Variants in UNC80 observed in about 807,000 individuals in gnomAD.
UNC80 encodes protein unc-80 homolog.
Under a neutral mutation model 384.6 loss-of-function variants are expected in UNC80, and 164 were observed. The ratio of observed to expected loss-of-function variants is 0.43; its 90% CI spans 0.38 to 0.49. The LOEUF (loss-of-function observed/expected upper bound fraction) is 0.49, where lower values mean the gene tolerates loss of function less well. Ranked by LOEUF, UNC80 falls within the 20% of genes least tolerant of loss-of-function variation. UNC80 has a pLI of 0.00. For missense variants in UNC80, 3,330 were observed against 4,143.0 expected, an observed-to-expected ratio of 0.80 and a Z score of 5.39; for synonymous variants, 1,486 against 1,527.8, an observed-to-expected ratio of 0.97 and a Z score of 0.64.
intron 48 of UNC80, among the ~76,000 whole-genome samples, chr2:209,957,182 C>A (rs2092449152): frequency 6.6e-6 from 1 of 152,246 alleles, no homozygotes. Context: ...TAGGAGAATT[C>A]TTTTATTCTT....
chr2:209,790,266 C>G lies in UNC80; in HGVS notation c.798+661C>G, dbSNP rs901618931. 2.8e-4 allele frequency among the ~76,000 whole-genome samples: 42 copies of G among 152,156 alleles called. 1 individual carries two copies. The highest frequency in any genetic ancestry group is 1.8e-4 in the Non-Finnish European group (12 of 68,006). On this transcript the variant is annotated intron_variant, in intron 6 of 64. Coordinates refer to ENST00000673920, the MANE Select transcript of UNC80 (RefSeq NM_001371986.1). The stretch of plus-strand genomic sequence containing the variant: ...TATGGCATTAAATGACCTGCTTTCA[C>G]TTTCAATTCAACACGTGCAAAGTGA...
chr2:209,956,313 G>C (rs114495969), intron 48 of UNC80, among the ~76,000 whole-genome samples: 6 of 90 alleles, frequency 0.067, no homozygotes, highest in Non-Finnish European at 0.11. Flanking sequence ...AGAATTCTCT[G>C]CTCAGGGTTT....
intron 29 of UNC80, among the ~76,000 whole-genome samples, chr2:209,912,063 C>T (rs2089011673): frequency 6.6e-6 from 1 of 152,196 alleles, no homozygotes; most frequent in Non-Finnish European, 1.5e-5. Context: ...CTTTAACTTC[C>T]TAACACTTCT....
chr2:209,790,652 C>G (rs2077738635), intron 6 of UNC80, among the ~76,000 whole-genome samples: 1 of 152,040 alleles, frequency 6.6e-6, no homozygotes, highest in South Asian at 2.1e-4. Context: ...AATAGTGGAG[C>G]AGTATTTTAA....
rs546204765 is a variant in UNC80 at position 209,845,985 on chromosome 2, TTTC to T, written c.3455-3463_3455-3461del. ...GATTTCTTTCTTGCTCTCTCTCTTC[TTTC>T]TTTTCTTTCTTCCCTTCTTTCCTTG... is the stretch of plus-strand genomic sequence containing the variant. On this transcript the variant is annotated intron_variant, in intron 21 of 64. Transcript: ENST00000673920. Among the ~76,000 whole-genome samples the T allele has an allele frequency of 3.2e-3, 481 of 152,146 alleles. 2 individuals carry two copies. The highest frequency in any genetic ancestry group is 0.01 in the Middle Eastern group (3 of 294).
At chr2:209,948,138 G>T (rs184898963) in intron 47 of UNC80, among the ~76,000 whole-genome samples, 101 of 152,180 alleles carry the variant, frequency 6.6e-4, no homozygotes, top group African/African-American at 2.3e-3. Context: ...AAATAAAGCT[G>T]CAATGAATGT....
intron 27 of UNC80, among the ~76,000 whole-genome samples, chr2:209,894,949 A>T (rs1188693544): frequency 6.6e-6 from 1 of 152,150 alleles, no homozygotes; most frequent in African/African-American, 2.4e-5. Context: ...GTTCTCAGGG[A>T]TTTGTTTTCT....
chr2:209,952,582 C>T (rs757209449), intron 47 of UNC80, among the ~76,000 whole-genome samples: 22 of 152,102 alleles, frequency 1.4e-4, no homozygotes, highest in African/African-American at 4.8e-4. Flanking sequence ...GCCTTTTGGC[C>T]CTAAGCAATT....
intron 22 of UNC80, among the ~76,000 whole-genome samples, chr2:209,854,168 G>T (rs2124847574): frequency 6.6e-6 from 1 of 152,066 alleles, no homozygotes; most frequent in South Asian, 2.1e-4. Flanking sequence ...GTCCTTTCAA[G>T]GAGATAGGAA....
chr2:209,789,641 G>T, intron 6 of UNC80, 36 bp downstream of exon 6: 1 of 1,457,624 alleles, frequency 6.9e-7, no homozygotes, highest in Non-Finnish European at 9.6e-7. Flanking sequence ...AAGGGAGGCA[G>T]AAAGTCCTTG....
chr2:209,832,686 C>T (rs1450239202), intron 16 of UNC80, among the ~76,000 whole-genome samples: 2 of 152,170 alleles, frequency 1.3e-5, no homozygotes, highest in African/African-American at 4.8e-5. Context: ...TCCATGCATA[C>T]AATTTGGTCA....
chr2:209,909,473 C>G (rs1356135415), intron 29 of UNC80, among the ~76,000 whole-genome samples: 1 of 152,160 alleles, frequency 6.6e-6, no homozygotes, highest in Non-Finnish European at 1.5e-5. Context: ...TCCATCTGCA[C>G]AGACATTTTA....
intron 7 of UNC80, among the ~76,000 whole-genome samples, chr2:209,802,937 G>A (rs2078654696): frequency 6.6e-6 from 1 of 152,160 alleles, no homozygotes; most frequent in African/African-American, 2.4e-5. Context: ...ACTGGTCTTA[G>A]TTTCTGAAGC....
intron 22 of UNC80, among the ~76,000 whole-genome samples, chr2:209,857,068 GTGTAAGCCACCACGCCTGGCCTGGGTTT>G (rs1326763944): frequency 6.6e-6 from 1 of 152,136 alleles, no homozygotes; most frequent in Non-Finnish European, 1.5e-5. Flanking sequence ...GGGATTACAG[GTGTAAGCCACCACGCCTGGCCTGGGTTT>G]TGTTTTATTC....
chr2:209,972,115 C>A, intron 54 of UNC80, 86 bp from the exon 55 acceptor site: 2 of 1,463,660 alleles, frequency 1.4e-6, no homozygotes, highest in Non-Finnish European at 1.8e-6. Context: ...AGCAGGGAGT[C>A]ACCGTCTCCA....
chr2:209,943,598 G>C, intron 45 of UNC80, 84 bp downstream of exon 45: 1 of 1,476,398 alleles, frequency 6.8e-7, no homozygotes, highest in Non-Finnish European at 9.2e-7. Context: ...ACTATGGCAA[G>C]GGAGTTGGCT....
intron 1 of UNC80, 25 bp downstream of exon 1, chr2:209,772,189 C>T: frequency 2.6e-6 from 4 of 1,513,812 alleles, no homozygotes; most frequent in Non-Finnish European, 3.6e-6. Context: ...GGGCGCACCG[C>T]GGGCCGCCCT....
chr2:209,839,216 C>G lies in UNC80; in HGVS notation c.3042-6C>G. 1 of 1,551,166 alleles carries G rather than the reference C, an allele frequency of 6.4e-7. No homozygotes were observed. The highest frequency in any genetic ancestry group is 8.7e-7 in the Non-Finnish European group (1 of 1,146,914). ...AAGTTTAACCCTATCCTCTGCTTGC[C>G]TACAGCGATGAACAAATGCAAGGAG... On this transcript the variant is annotated splice_region_variant and splice_polypyrimidine_tract_variant and intron_variant, in intron 18 of 64. Coordinates refer to ENST00000673920, the MANE Select transcript of UNC80 (RefSeq NM_001371986.1). This position sits in a 1 kb window ranked among gnomAD's most constrained non-coding sequence, Gnocchi z 4.1.
chr2:209,814,748 A>C (rs1316571954), intron 8 of UNC80, among the ~76,000 whole-genome samples: 1 of 152,194 alleles, frequency 6.6e-6, no homozygotes, highest in East Asian at 1.9e-4. Flanking sequence ...CCAGGTGTTG[A>C]AAATGTAGAG....
Sources: gnomAD v4.1 joint callset for allele counts (sites outside exome capture counted in the v4.1 genomes callset) on GRCh38, gnomAD v4.1.1 for gene constraint, Gnocchi (gnomAD v3.1) non-coding constraint, MANE v1.5 for transcripts, NCBI Gene and HGNC (gene_info 2026-07-23, HGNC 2026-07-21) for gene names.